Variants in PARD3B observed in about 807,000 individuals in gnomAD.
PARD3B encodes the protein partitioning defective 3 homolog B.
A neutral mutation model predicts 130.2 loss-of-function variants in PARD3B; 103 were observed. The ratio of observed to expected loss-of-function variants is 0.79; its 90% CI spans 0.67 to 0.93. The LOEUF is 0.93. PARD3B is among the 40% of genes least tolerant of loss of function. The pLI is 0.00. For synonymous variants in PARD3B, 583 were observed against 553.2 expected (o/e 1.05, Z -0.76); for missense variants, 1,609 against 1,499.2 (o/e 1.07, Z -1.21).
intron 2 of PARD3B, among the ~76,000 whole-genome samples, chr2:204,707,664 G>T (rs2038235871): frequency 2.0e-5 from 3 of 152,054 alleles, no homozygotes; most frequent in South Asian, 4.1e-4. Context: ...ACACAGGATT[G>T]CAATAAGCCC....
intron 18 of PARD3B, among the ~76,000 whole-genome samples, chr2:205,342,897 C>A (rs530304905): frequency 1.2e-4 from 18 of 152,218 alleles, no homozygotes; most frequent in African/African-American, 3.9e-4. Context: ...TTTCCACAAT[C>A]TTTTCTGGAA....
chr2:204,932,063 G>A (rs750266724), intron 2 of PARD3B, among the ~76,000 whole-genome samples: 25 of 151,952 alleles, frequency 1.6e-4, no homozygotes, highest in Non-Finnish European at 2.8e-4. Context: ...ATCCTTTTAG[G>A]TCAAAAGGTA....
Position 205,322,106 on chromosome 2 carries a change from A to G in PARD3B, c.2630+20405A>G, listed in dbSNP as rs368987781. On this transcript the variant is annotated intron_variant, in intron 18 of 22. Coordinates refer to ENST00000406610, the MANE Select transcript of PARD3B (RefSeq NM_001302769.2). The stretch of plus-strand genomic sequence containing the variant: ...GATAAGACTGGAGGGAAGGCTGGAG[A>G]AGCCATACCAGTCTTTGATCACCTT... 1.6e-4 allele frequency among the ~76,000 whole-genome samples: 25 copies of G among 152,346 alleles called. No homozygotes were observed. The East Asian group carries it at 3.9e-3, about 23-fold the overall frequency.
chr2:205,409,396 C>T (rs2046521060), intron 19 of PARD3B, among the ~76,000 whole-genome samples: 2 of 152,172 alleles, frequency 1.3e-5, no homozygotes, highest in African/African-American at 4.8e-5. Context: ...GATTTAGACA[C>T]AGCCCGGGGT....
Position 205,615,685 on chromosome 2 carries a change from C to T in PARD3B, c.3490C>T (p.Pro1164Ser). 2 of 1,614,134 alleles carry T rather than the reference C, an allele frequency of 1.2e-6. No homozygotes were observed. The highest frequency in any genetic ancestry group is 1.7e-6 in the Non-Finnish European group (2 of 1,180,018). Residue 1164 changes from proline (P) to serine (S), a missense_variant, in exon 23 of 23, where the codon CCC (proline) becomes TCC (serine). By Grantham distance (74) the Pro-to-Ser change is moderately conservative (BLOSUM62 -1). Coordinates refer to ENST00000406610, the MANE Select transcript of PARD3B (RefSeq NM_001302769.2). ...TCGACAAGACGTTCCGCCTTCCCCT[C>T]CCCAGCACCAAAGAATGCCAGCCTA... The part of the protein sequence containing the change: ...PFRQDVPPSP[P>S]QHQRMPAYQE...
chr2:205,450,510 G>A (rs1156326905), intron 20 of PARD3B, among the ~76,000 whole-genome samples: 1 of 119,472 alleles, frequency 8.4e-6, no homozygotes, highest in Non-Finnish European at 1.6e-5. Context: ...GTCTCGCACT[G>A]TTGCCTGGGC....
At chr2:205,041,368 A>G (rs375960262) in intron 3 of PARD3B, among the ~76,000 whole-genome samples, 11 of 152,084 alleles carry the variant, frequency 7.2e-5, no homozygotes, top group African/African-American at 2.6e-4. Flanking sequence ...AGTTGCCAAA[A>G]CCTCCCTATT....
chr2:205,124,379 T>C lies in PARD3B; in HGVS notation c.1218T>C (p.Gly406=). ...TVVTRDSSIH[G]PGPIFVKNIL... ...TTACCAGAGACTCTTCCATACATGG[T>C]CCCGGTCCCATTTTTGTAAAAAACA... Residue 406 remains glycine, a synonymous_variant, in exon 9 of 23, where the codon GGT becomes GGC. Transcript: ENST00000406610. The C allele has an allele frequency of 6.2e-7, 1 of 1,601,250 alleles. No homozygotes were observed. Among genetic ancestry groups the C allele is most frequent in the East Asian group, 2.3e-5 (1 of 44,258 alleles).
chr2:205,271,786 A>C lies in PARD3B; in HGVS notation c.2185+25964A>C, dbSNP rs112287784. ...TCCCATATTGCTTTTAAAAGAAAAC[A>C]TATCAGACTTAAAAGTTATTTAAAT... On this transcript the variant is annotated intron_variant, in intron 16 of 22. Transcript: ENST00000406610. Among the ~76,000 whole-genome samples the C allele has an allele frequency of 3.2e-4, 49 of 152,352 alleles. 2 individuals are homozygous for C. The highest frequency in any genetic ancestry group is 1.1e-3 in the African/African-American group (47 of 41,584).
intron 16 of PARD3B, among the ~76,000 whole-genome samples, chr2:205,299,257 A>C (rs750053580): frequency 3.3e-5 from 5 of 152,146 alleles, no homozygotes; most frequent in Non-Finnish European, 7.3e-5. Flanking sequence ...TCATAGTGGC[A>C]GTGATAATAG....
intron 2 of PARD3B, among the ~76,000 whole-genome samples, chr2:204,702,970 T>C (rs2037965622): frequency 1.3e-5 from 2 of 152,336 alleles, no homozygotes; most frequent in East Asian, 1.9e-4. Flanking sequence ...AAGATTGTAA[T>C]TGGAATATTC....
chr2:204,917,238 G>A (rs140764053), intron 2 of PARD3B, among the ~76,000 whole-genome samples: 6 of 152,194 alleles, frequency 3.9e-5, no homozygotes, highest in African/African-American at 1.4e-4. Flanking sequence ...TAAGAAATTT[G>A]GCTTTCATTC....
At chr2:204,935,495 C>A (rs113902893) in intron 2 of PARD3B, among the ~76,000 whole-genome samples, 7 of 149,954 alleles carry the variant, frequency 4.7e-5, no homozygotes, top group Non-Finnish European at 1.0e-4. Flanking sequence ...GCCAAGATGG[C>A]GCCACTGTAC....
chr2:204,667,382 T>C (rs1268071357), intron 1 of PARD3B, among the ~76,000 whole-genome samples: 1 of 152,292 alleles, frequency 6.6e-6, no homozygotes, highest in East Asian at 1.9e-4. Context: ...ATTCCTCAGA[T>C]ATCATGTGTT....
At chr2:205,196,059 T>C (rs1349164837) in intron 15 of PARD3B, among the ~76,000 whole-genome samples, 1 of 152,164 alleles carries the variant, frequency 6.6e-6, no homozygotes, top group African/African-American at 2.4e-5. Flanking sequence ...TATTTTCACT[T>C]ATATTTTCAA....
At chr2:204,727,709 T>C (rs1574829407) in intron 2 of PARD3B, among the ~76,000 whole-genome samples, 2 of 152,060 alleles carry the variant, frequency 1.3e-5, no homozygotes, top group East Asian at 3.9e-4. Context: ...GTAGCAGGGG[T>C]CATGAATACT....
intron 1 of PARD3B, among the ~76,000 whole-genome samples, chr2:204,667,455 A>T (rs1456867098): frequency 2.6e-5 from 4 of 151,926 alleles, no homozygotes; most frequent in African/African-American, 9.7e-5. Flanking sequence ...CCTAGGTCTG[A>T]CCTCTCTTCT....
chr2:205,060,511 A>G (rs1411469427), intron 4 of PARD3B, among the ~76,000 whole-genome samples: 1 of 152,116 alleles, frequency 6.6e-6, no homozygotes, highest in African/African-American at 2.4e-5. Flanking sequence ...TCCCTGACTC[A>G]TCCATTGACT....
intron 21 of PARD3B, among the ~76,000 whole-genome samples, chr2:205,502,379 G>A (rs10192060): frequency 0.4 from 61,141 of 151,958 alleles, 12,820 homozygotes; most frequent in Admixed American, 0.49. Context: ...GTCGCGTGAA[G>A]GGGAAGAATG....
Sources: gnomAD v4.1 joint callset for allele counts (sites outside exome capture counted in the v4.1 genomes callset) on GRCh38, gnomAD v4.1.1 for gene constraint, MANE v1.5 for transcripts, NCBI Gene and HGNC (gene_info 2026-07-23, HGNC 2026-07-21) for gene names.